ABLIM1: variants seen among roughly 807,000 people sequenced by gnomAD.
ABLIM1 encodes actin-binding LIM protein 1.
Under a neutral mutation model 107.0 loss-of-function variants are expected in ABLIM1, and 40 were observed. That is an observed-to-expected ratio of 0.37 (90% CI 0.29 to 0.49). ABLIM1 has a LOEUF of 0.49. Among genes scored for constraint, ABLIM1 ranks in the 20% least tolerant of loss-of-function variants. The pLI is 0.97. For synonymous variants in ABLIM1, 357 were observed against 357.3 expected (o/e 1.00, Z 0.01); for missense variants, 857 against 1,008.5 (o/e 0.85, Z 2.04).
At chr10:114,654,207 G>A (rs1027343346) in intron 1 of ABLIM1, among the ~76,000 whole-genome samples, 7 of 152,180 alleles carry the variant, frequency 4.6e-5, no homozygotes, top group Non-Finnish European at 8.8e-5. Flanking sequence ...GGAATCCCAC[G>A]TCCTGTGCAG....
chr10:114,708,972 G>C (rs2081484297), intron 1 of ABLIM1, among the ~76,000 whole-genome samples: 1 of 152,148 alleles, frequency 6.6e-6, no homozygotes, highest in African/African-American at 2.4e-5. Flanking sequence ...CACTGGTATT[G>C]GTACTTTTCG....
chr10:114,583,464 CACACATATATATATATATATATATATAT>C (rs1566009753), intron 2 of ABLIM1, among the ~76,000 whole-genome samples: 9 of 8,344 alleles, frequency 1.1e-3, no homozygotes, highest in Admixed American at 1.8e-3. Context: ...CACACACACA[CACACATATATATATATATATATATATAT>C]ATATATATAT....
intron 4 of ABLIM1, among the ~76,000 whole-genome samples, chr10:114,564,997 G>A (rs1197013312): frequency 6.6e-6 from 1 of 152,108 alleles, no homozygotes; most frequent in Non-Finnish European, 1.5e-5. Flanking sequence ...AACTACTATT[G>A]TTTCCCATTG....
chr10:114,551,627 C>T (rs1281760010), intron 4 of ABLIM1, among the ~76,000 whole-genome samples: 1 of 152,234 alleles, frequency 6.6e-6, no homozygotes, highest in Admixed American at 6.5e-5. Flanking sequence ...TGGCCCATGA[C>T]CAACCAGAGG....
At chr10:114,766,055 A>G (rs2082884910) in intron 1 of ABLIM1, among the ~76,000 whole-genome samples, 1 of 152,250 alleles carries the variant, frequency 6.6e-6, no homozygotes, top group African/African-American at 2.4e-5. Context: ...GGATGTGATC[A>G]GAATCAGACA....
Position 114,575,593 on chromosome 10 carries a change from CCA to C in ABLIM1, c.384_385del (p.Cys128TrpfsTer3). The C allele has an allele frequency of 6.2e-7, 1 of 1,613,196 alleles. No individual in the cohort carries two copies. The highest frequency in any genetic ancestry group is 8.5e-7 in the Non-Finnish European group (1 of 1,179,500). On this transcript the variant is annotated frameshift_variant, in exon 3 of 23. Coordinates refer to ENST00000533213, the MANE Select transcript of ABLIM1 (RefSeq NM_002313.7). LOFTEE classifies it high-confidence loss of function. ...GAAGCCCCCTTGTGCCAGGTCACAG[CCA>C]CACACTGTAGAGAGACAAGTTCACA...
chr10:114,569,785 G>C (rs894678436), intron 4 of ABLIM1, among the ~76,000 whole-genome samples: 4 of 152,146 alleles, frequency 2.6e-5, no homozygotes, highest in African/African-American at 7.2e-5. Context: ...ACCCTACTAG[G>C]GGTCTAGGAT....
chr10:114,711,291 C>T (rs1367681443), intron 1 of ABLIM1, among the ~76,000 whole-genome samples: 2 of 152,204 alleles, frequency 1.3e-5, no homozygotes, highest in Non-Finnish European at 2.9e-5. Context: ...CTTCAACTTA[C>T]CAAGAGCCCT....
chr10:114,636,881 A>T (rs1208194196), intron 1 of ABLIM1, among the ~76,000 whole-genome samples: 4 of 152,060 alleles, frequency 2.6e-5, no homozygotes, highest in Non-Finnish European at 4.4e-5. Context: ...AAAAATACAA[A>T]AACTAGCCAG....
At chr10:114,705,742 C>T (rs571171609) in intron 1 of ABLIM1, among the ~76,000 whole-genome samples, 2 of 152,240 alleles carry the variant, frequency 1.3e-5, no homozygotes, top group South Asian at 2.1e-4. Context: ...GTATCCCTAC[C>T]TTCCAAAGGA....
chr10:114,514,587 C>G (rs1256556973), intron 6 of ABLIM1, among the ~76,000 whole-genome samples: 1 of 152,144 alleles, frequency 6.6e-6, no homozygotes, highest in African/African-American at 2.4e-5. Context: ...CTATGTTTCC[C>G]AGGCTGGTCT....
intron 6 of ABLIM1, among the ~76,000 whole-genome samples, chr10:114,511,727 G>C (rs967128889): frequency 6.6e-6 from 1 of 151,948 alleles, no homozygotes; most frequent in Non-Finnish European, 1.5e-5. Context: ...GTATATTTTG[G>C]CAAAGACTTG....
chr10:114,614,780 G>A (rs902005803), intron 1 of ABLIM1, among the ~76,000 whole-genome samples: 37 of 152,172 alleles, frequency 2.4e-4, no homozygotes, highest in African/African-American at 7.5e-4. Context: ...TGGGCTGGGC[G>A]TGGTGGCTCA....
intron 1 of ABLIM1, among the ~76,000 whole-genome samples, chr10:114,668,811 C>T (rs1228433907): frequency 1.3e-5 from 2 of 152,222 alleles, no homozygotes; most frequent in Admixed American, 6.5e-5. Flanking sequence ...GTCATCAGAA[C>T]ATCCATGAAG....
chr10:114,768,169 C>T, upstream of ABLIM1: 1 of 218,768 alleles, frequency 4.6e-6, no homozygotes, highest in South Asian at 4.4e-5. Flanking sequence ...GGCCCCGGCC[C>T]CCTCCGGCTC....
At chr10:114,436,424 C>T (rs753481636) in intron 22 of ABLIM1, 51 bp from the exon 23 acceptor site, 14 of 1,384,778 alleles carry the variant, frequency 1.0e-5, no homozygotes, top group East Asian at 2.3e-5. Flanking sequence ...GATGGCCACA[C>T]AAATGGCCTT....
intron 1 of ABLIM1, chr10:114,615,661 C>G (rs563575203): frequency 2.3e-6 from 1 of 429,254 alleles, no homozygotes; most frequent in East Asian, 7.3e-5. Context: ...CTTTCTGTCT[C>G]TTTTCCAGAG....
At chr10:114,664,445 T>C (rs1047934708) in intron 1 of ABLIM1, among the ~76,000 whole-genome samples, 4 of 152,214 alleles carry the variant, frequency 2.6e-5, no homozygotes, top group Admixed American at 2.0e-4. Context: ...CAGTAAAAGT[T>C]TGGGGGTTTG....
At chr10:114,790,529 T>A in the ABLIM1 span, among the ~76,000 whole-genome samples, 2 of 152,338 alleles carry the variant, frequency 1.3e-5, no homozygotes, top group South Asian at 4.1e-4. Context: ...AATACAAAAA[T>A]AAGAAGCGTC....
Sources: gnomAD v4.1 joint callset for allele counts (sites outside exome capture counted in the v4.1 genomes callset) on GRCh38, gnomAD v4.1.1 for gene constraint, MANE v1.5 for transcripts, NCBI Gene and HGNC (gene_info 2026-07-23, HGNC 2026-07-21) for gene names.